Variants in SERINC1 observed in about 807,000 individuals in gnomAD.
SERINC1 encodes serine incorporator 1, also known as tumor differentially expressed protein 2.
In SERINC1, 38 loss-of-function variants were observed where a neutral mutation model predicts 52.9. The observed-to-expected ratio is 0.72, with a 90% CI of 0.55 to 0.94. The LOEUF (loss-of-function observed/expected upper bound fraction) is 0.94, where lower values mean the gene tolerates loss of function less well. Ranked by LOEUF, SERINC1 falls within the 40% of genes least tolerant of loss-of-function variation. The pLI is 0.00. For synonymous variants in SERINC1, 198 were observed against 183.1 expected (o/e 1.08, Z -0.66); for missense variants, 471 against 533.9 (o/e 0.88, Z 1.16).
intron 1 of SERINC1, among the ~76,000 whole-genome samples, chr6:122,465,009 TA>T (rs1775163080): frequency 6.6e-6 from 1 of 151,924 alleles, no homozygotes; most frequent in Non-Finnish European, 1.5e-5. Flanking sequence ...CCCAATAAAA[TA>T]AAAAATAAAG....
chr6:122,467,874 A>T (rs1775213941), intron 1 of SERINC1, among the ~76,000 whole-genome samples: 1 of 152,198 alleles, frequency 6.6e-6, no homozygotes, highest in African/African-American at 2.4e-5. Flanking sequence ...GGCCAGTTGA[A>T]ATCAAGGGAT....
intron 1 of SERINC1, among the ~76,000 whole-genome samples, chr6:122,461,178 G>A (rs775520578): frequency 1.3e-5 from 2 of 151,982 alleles, no homozygotes; most frequent in East Asian, 1.9e-4. Context: ...TTATGAAAAC[G>A]ATAAACTCAC....
chr6:122,469,719 C>G lies in SERINC1; in HGVS notation c.39+1980G>C, dbSNP rs1020960061. Among the ~76,000 whole-genome samples the G allele has an allele frequency of 4.6e-5, 7 of 151,934 alleles. No individual in the cohort carries two copies. The South Asian group carries it at 1.2e-3, about 27-fold the overall frequency. Reference sequence around the variant, plus strand: ...TACAGGCATGTGCCACCATACCCAGCTATTTTTTTTTGTATTTTTAGTAGA... The same window carrying G: ...TACAGGCATGTGCCACCATACCCAGGTATTTTTTTTTGTATTTTTAGTAGA... On this transcript the variant is annotated intron_variant, in intron 1 of 9. Coordinates refer to ENST00000339697, the MANE Select transcript of SERINC1 (RefSeq NM_020755.4).
chr6:122,454,079 G>T, intron 4 of SERINC1, 72 bp downstream of exon 4: 7 of 1,200,794 alleles, frequency 5.8e-6, no homozygotes, highest in Non-Finnish European at 8.3e-6. Flanking sequence ...AACAATTATA[G>T]TTCCAGGTGA....
In SERINC1 at chr6:122,448,908, CACTT is replaced by C. The variant is rs200406372; in HGVS notation, c.851-1647_851-1644del. On this transcript the variant is annotated intron_variant, in intron 7 of 9. Transcript: ENST00000339697. ...TCCATTTTTTCTAACAGTATGTACTCACTTTGTTTCACATTTTGGTAATTCTTGT... is the reference window on the plus strand; with the variant it reads ...TCCATTTTTTCTAACAGTATGTACTCTGTTTCACATTTTGGTAATTCTTGT... Among the ~76,000 whole-genome samples the C allele has an allele frequency of 7.2e-3, 1,096 of 151,196 alleles. 14 individuals are homozygous for C. Among genetic ancestry groups the C allele is most frequent in the East Asian group, 0.044 (225 of 5,092 alleles).
intron 1 of SERINC1, among the ~76,000 whole-genome samples, chr6:122,458,988 T>A (rs546744800): frequency 6.6e-6 from 1 of 151,846 alleles, no homozygotes; most frequent in Admixed American, 6.6e-5. Flanking sequence ...GGAAAAGAAA[T>A]GGAATATTCA....
At chr6:122,449,638 CAT>C (rs1774869644) in intron 7 of SERINC1, among the ~76,000 whole-genome samples, 1 of 152,188 alleles carries the variant, frequency 6.6e-6, no homozygotes, top group South Asian at 2.1e-4. Flanking sequence ...GTCTCCGTAA[CAT>C]AAAAGTATAA....
At chr6:122,469,473 C>T (rs192619586) in intron 1 of SERINC1, among the ~76,000 whole-genome samples, 72 of 150,446 alleles carry the variant, frequency 4.8e-4, no homozygotes, top group African/African-American at 1.4e-3. Flanking sequence ...GCCTCCTGGG[C>T]TTAAGAGATT....
At chr6:122,450,873 G>A (rs535927039) in intron 7 of SERINC1, among the ~76,000 whole-genome samples, 2 of 152,266 alleles carry the variant, frequency 1.3e-5, no homozygotes, top group African/African-American at 4.8e-5. Context: ...ATGATGAGGT[G>A]TTGCTTCTTA....
Position 122,444,803 on chromosome 6 carries a change from A to G in SERINC1, c.*241T>C, listed in dbSNP as rs12524. The G allele has an allele frequency of 0.56, 256,343 of 459,402 alleles. 72,724 individuals are homozygous for G. Among genetic ancestry groups the G allele is most frequent in the South Asian group, 0.69 (21,281 of 30,666 alleles). The allele number at this position is 459,402 out of a possible 1,614,324, so 28.5% of individuals were successfully genotyped here. On this transcript the variant is annotated 3_prime_UTR_variant, in exon 10 of 10. Coordinates refer to ENST00000339697, the MANE Select transcript of SERINC1 (RefSeq NM_020755.4). ...TATAGAGCAGAGAATAAGCCCAATA[A>G]TGGCCACTTTTACTAACTCATCACC...
rs114262949 is a variant in SERINC1 at position 122,465,083 on chromosome 6, C to A, written c.40-6402G>T. The stretch of plus-strand genomic sequence containing the variant: ...ATGTAAAAGTCAAAAAGAACTAGAT[C>A]TTTTGTTCTAGTTCTTTTGTTTTGT... On this transcript the variant is annotated intron_variant, in intron 1 of 9. Transcript: ENST00000339697. Among the ~76,000 whole-genome samples, 400 of 152,084 alleles carry A rather than the reference C, an allele frequency of 2.6e-3. 4 individuals are homozygous for A. The highest frequency in any genetic ancestry group is 9.1e-3 in the African/African-American group (377 of 41,494).
chr6:122,447,324 A>G, intron 7 of SERINC1, 59 bp from the exon 8 acceptor site: 1 of 1,390,642 alleles, frequency 7.2e-7, no homozygotes, highest in African/African-American at 1.4e-5. Context: ...TTTTCAGAGC[A>G]AACAAAAGTT....
chr6:122,467,352 C>A (rs1775207749), intron 1 of SERINC1, among the ~76,000 whole-genome samples: 1 of 152,150 alleles, frequency 6.6e-6, no homozygotes. Flanking sequence ...CACCTATAAT[C>A]CCAGCACTTC....
Position 122,452,077 on chromosome 6 carries a change from G to A in SERINC1, c.590-20C>T. The A allele has an allele frequency of 1.4e-6, 2 of 1,414,098 alleles. No homozygotes were observed. The highest frequency in any genetic ancestry group is 1.9e-6 in the Non-Finnish European group (2 of 1,073,038). The allele number at this position is 1,414,098 out of a possible 1,614,324, so 87.6% of individuals were successfully genotyped here. A position where few individuals can be genotyped will look rare whatever the true frequency, so the allele number is the denominator to read the frequency against. On this transcript the variant is annotated intron_variant, in intron 5 of 9. Coordinates refer to ENST00000339697, the MANE Select transcript of SERINC1 (RefSeq NM_020755.4). ...ACAAGGCTGTGAAAGAAATATAATTGGATAATTAGCTTTTTATCAGAAATT... is the reference window on the plus strand; with the variant it reads ...ACAAGGCTGTGAAAGAAATATAATTAGATAATTAGCTTTTTATCAGAAATT...
At chr6:122,451,290 A>C (rs1007308743) in intron 7 of SERINC1, among the ~76,000 whole-genome samples, 3 of 152,212 alleles carry the variant, frequency 2.0e-5, no homozygotes, top group Admixed American at 1.3e-4. Flanking sequence ...TTGGAAATAA[A>C]GTACTTTCAA....
chr6:122,461,574 G>C (rs982633787), intron 1 of SERINC1, among the ~76,000 whole-genome samples: 3 of 151,168 alleles, frequency 2.0e-5, no homozygotes, highest in African/African-American at 7.3e-5. Context: ...CGAGTTAGTG[G>C]GTGCAGCGCA....
intron 1 of SERINC1, among the ~76,000 whole-genome samples, chr6:122,465,180 A>G (rs1212635792): frequency 6.6e-6 from 1 of 152,204 alleles, no homozygotes; most frequent in Non-Finnish European, 1.5e-5. Context: ...GCTGAATTCT[A>G]AGTTATCAAA....
At chr6:122,447,910 T>TA (rs1339795588) in intron 7 of SERINC1, among the ~76,000 whole-genome samples, 1 of 151,998 alleles carries the variant, frequency 6.6e-6, no homozygotes, top group African/African-American at 2.4e-5. Context: ...GGTCAAGAGA[T>TA]AGAGATCATC....
At chr6:122,454,001 T>G in intron 4 of SERINC1, 94 bp from the exon 5 acceptor site, 4 of 1,393,930 alleles carry the variant, frequency 2.9e-6, no homozygotes, top group African/African-American at 1.5e-5. Context: ...AAAATAAAAT[T>G]TTATATGAAC....
Sources: gnomAD v4.1 joint callset for allele counts (sites outside exome capture counted in the v4.1 genomes callset) on GRCh38, gnomAD v4.1.1 for gene constraint, MANE v1.5 for transcripts, NCBI Gene and HGNC (gene_info 2026-07-23, HGNC 2026-07-21) for gene names.